Variants in TAFA1 observed in about 807,000 individuals in gnomAD.
TAFA1 encodes the protein TAFA chemokine like family member 1, also known as chemokine-like protein TAFA-1.
Under a neutral mutation model 18.5 loss-of-function variants are expected in TAFA1, and 4 were observed. The observed-to-expected ratio is 0.22, with a 90% CI of 0.11 to 0.49. The LOEUF is 0.49. TAFA1 is among the 20% of genes least tolerant of loss of function. The pLI is 0.98. For synonymous variants in TAFA1, 56 were observed against 55.2 expected, an observed-to-expected ratio of 1.01 and a Z score of -0.06; for missense variants, 147 against 169.0, an observed-to-expected ratio of 0.87 and a Z score of 0.72.
chr3:68,001,550 C>T (rs983672070), upstream of TAFA1, among the ~76,000 whole-genome samples: 1 of 151,020 alleles, frequency 6.6e-6, no homozygotes, highest in African/African-American at 2.4e-5. Flanking sequence ...CTTTCTTAAG[C>T]AGTAGTTGGG....
intron 2 of TAFA1, among the ~76,000 whole-genome samples, chr3:68,399,953 A>G (rs1444190504): frequency 6.6e-6 from 1 of 152,166 alleles, no homozygotes; most frequent in African/African-American, 2.4e-5. Context: ...ATCTCGACTC[A>G]CACAGGATCT....
intron 2 of TAFA1, among the ~76,000 whole-genome samples, chr3:68,129,362 G>A (rs1427263903): frequency 6.6e-6 from 1 of 152,190 alleles, no homozygotes; most frequent in Non-Finnish European, 1.5e-5. Context: ...TTGTATAAAG[G>A]TGAGAAGTAC....
intron 2 of TAFA1, among the ~76,000 whole-genome samples, chr3:68,403,721 G>A (rs2070540779): frequency 6.6e-6 from 1 of 152,210 alleles, no homozygotes; most frequent in Non-Finnish European, 1.5e-5. Context: ...CCACAAAGCT[G>A]AAAATGTTTA....
intron 2 of TAFA1, among the ~76,000 whole-genome samples, chr3:68,287,143 T>G (rs2068024156): frequency 6.6e-6 from 1 of 152,328 alleles, no homozygotes; most frequent in South Asian, 2.1e-4. Context: ...GGCCCTCAGT[T>G]AATTTACTTT....
intron 2 of TAFA1, among the ~76,000 whole-genome samples, chr3:68,079,207 C>A (rs1447783370): frequency 1.3e-5 from 2 of 152,202 alleles, no homozygotes; most frequent in East Asian, 3.9e-4. Flanking sequence ...CTCTCTTTTT[C>A]TCATTAATAG....
At chr3:68,502,353 A>G (rs548364155) in intron 3 of TAFA1, among the ~76,000 whole-genome samples, 1 of 152,290 alleles carries the variant, frequency 6.6e-6, no homozygotes, top group African/African-American at 2.4e-5. Flanking sequence ...ACACACAGAA[A>G]AAAAAAGACT....
intron 2 of TAFA1, among the ~76,000 whole-genome samples, chr3:68,255,290 A>T (rs927269473): frequency 6.6e-6 from 1 of 152,174 alleles, no homozygotes; most frequent in Admixed American, 6.6e-5. Flanking sequence ...GGTTTGGCTT[A>T]CAAACCTATA....
At position 68,029,506 on chromosome 3, in the gene TAFA1, T is replaced by C. The variant is rs140277697; in HGVS notation, c.118+22762T>C. Among the ~76,000 whole-genome samples the C allele has an allele frequency of 2.0e-4, 30 of 152,320 alleles. No homozygotes were observed. In the East Asian group the frequency reaches 5.6e-3, roughly 28 times the overall value. On this transcript the variant is annotated intron_variant, in intron 2 of 4. Coordinates refer to ENST00000478136, the MANE Select transcript of TAFA1 (RefSeq NM_213609.4). ...TTCCAGTAAGTAAATCAAACATCAG[T>C]TCTAAAATTTAAGTTAAATAAATCA...
At chr3:68,080,475 C>T (rs144524631) in intron 2 of TAFA1, among the ~76,000 whole-genome samples, 8,574 of 151,978 alleles carry the variant, frequency 0.056, 331 homozygotes, top group Non-Finnish European at 0.088. Flanking sequence ...CCATGTTTAG[C>T]GCTTCCTTCA....
intron 2 of TAFA1, among the ~76,000 whole-genome samples, chr3:68,265,573 C>A (rs759726617): frequency 3.9e-5 from 6 of 152,178 alleles, no homozygotes; most frequent in Non-Finnish European, 7.3e-5. Flanking sequence ...GGGGAAGGAA[C>A]TTTTCCAGGG....
chr3:68,398,234 T>C (rs2070421896), intron 2 of TAFA1, among the ~76,000 whole-genome samples: 1 of 152,020 alleles, frequency 6.6e-6, no homozygotes, highest in Non-Finnish European at 1.5e-5. Context: ...TATAGACCAA[T>C]GGAAATGAAC....
chr3:68,463,982 AT>A (rs2071834409), intron 3 of TAFA1, among the ~76,000 whole-genome samples: 1 of 152,210 alleles, frequency 6.6e-6, no homozygotes, highest in Admixed American at 6.5e-5. Flanking sequence ...TTTTACATTA[AT>A]TTCAAAATAA....
At chr3:68,328,001 G>A (rs991947619) in intron 2 of TAFA1, among the ~76,000 whole-genome samples, 18 of 152,212 alleles carry the variant, frequency 1.2e-4, no homozygotes, top group African/African-American at 3.1e-4. Context: ...GATTACATGC[G>A]TGTTAACTTT....
chr3:68,539,703 G>GGGT (rs2073341198), intron 4 of TAFA1, among the ~76,000 whole-genome samples: 1 of 54,608 alleles, frequency 1.8e-5, no homozygotes, highest in African/African-American at 8.8e-5. Flanking sequence ...TGGGTGGGTG[G>GGGT]GTGTGTGCAT....
At chr3:68,170,578 T>C (rs796802957) in intron 2 of TAFA1, among the ~76,000 whole-genome samples, 24 of 152,270 alleles carry the variant, frequency 1.6e-4, no homozygotes, top group African/African-American at 5.5e-4. Flanking sequence ...GCAACATGCA[T>C]GTTCAGAGCT....
chr3:68,520,726 T>C (rs190326273), intron 3 of TAFA1, among the ~76,000 whole-genome samples: 5 of 152,302 alleles, frequency 3.3e-5, no homozygotes, highest in African/African-American at 9.6e-5. Flanking sequence ...AGTGTGATCA[T>C]GCATGTAAAG....
rs74987727 is a variant in TAFA1 at position 68,074,788 on chromosome 3, G to A, written c.118+68044G>A. 2.7e-3 allele frequency among the ~76,000 whole-genome samples: 417 copies of A among 152,240 alleles called. 3 individuals are homozygous for A. Among genetic ancestry groups the A allele is most frequent in the African/African-American group, 9.6e-3 (400 of 41,550 alleles). ...CATATACATTTTCTTTGGATAAATTGCTTCAATTTTGAATCCTGAAAATTA... is the reference window on the plus strand; with the variant it reads ...CATATACATTTTCTTTGGATAAATTACTTCAATTTTGAATCCTGAAAATTA... On this transcript the variant is annotated intron_variant, in intron 2 of 4. Transcript: ENST00000478136.
At chr3:68,359,774 C>G (rs2069436363) in intron 2 of TAFA1, among the ~76,000 whole-genome samples, 1 of 151,882 alleles carries the variant, frequency 6.6e-6, no homozygotes, top group Admixed American at 6.6e-5. Flanking sequence ...ACTAAGCCAC[C>G]AAATGCCCCT....
At chr3:68,157,100 G>A (rs1030143468) in intron 2 of TAFA1, among the ~76,000 whole-genome samples, 49 of 152,306 alleles carry the variant, frequency 3.2e-4, no homozygotes, top group African/African-American at 1.1e-3. Flanking sequence ...CAATAGCCAT[G>A]ATATAGAAAA....
Sources: allele counts gnomAD v4.1 joint callset (sites outside exome capture counted in the v4.1 genomes callset), GRCh38; gene constraint gnomAD v4.1.1; transcripts MANE v1.5; gene names NCBI Gene and HGNC (gene_info 2026-07-23, HGNC 2026-07-21).